Variants in SLIT2 observed in about 807,000 individuals in gnomAD.
The protein encoded by SLIT2 is slit homolog 2 protein.
Under a neutral mutation model 185.7 loss-of-function variants are expected in SLIT2, and 41 were observed. The ratio of observed to expected loss-of-function variants is 0.22; its 90% CI spans 0.17 to 0.29. The LOEUF is 0.29. Ranked by LOEUF, SLIT2 falls within the 10% of genes least tolerant of loss-of-function variation. The pLI is 1.00. For synonymous variants in SLIT2, 693 were observed against 680.2 expected (o/e 1.02, Z -0.29); for missense variants, 1,571 against 1,909.0 (o/e 0.82, Z 3.30).
Position 20,620,329 on chromosome 4 carries a change from G to A in SLIT2, c.*1320G>A, listed in dbSNP as rs73801882. 2,802 of 413,042 alleles carry A rather than the reference G, an allele frequency of 6.8e-3. 71 individuals are homozygous for A. The highest frequency in any genetic ancestry group is 0.053 in the African/African-American group (2,550 of 47,808). 25.6% of individuals were successfully genotyped at this position (413,042 alleles called of 1,614,324 possible). A position where few individuals can be genotyped will look rare whatever the true frequency, so the allele number is the denominator to read the frequency against. On this transcript the variant is annotated 3_prime_UTR_variant, in exon 37 of 37. Transcript: ENST00000504154. ...TATCTTAATGCTCCCATGTTAACAT[G>A]TTTGCTGCTAAATTACAATGTAGAA...
chr4:20,472,319 T>TATAGAA (rs1715259958), intron 5 of SLIT2, among the ~76,000 whole-genome samples: 1 of 93,210 alleles, frequency 1.1e-5, no homozygotes, highest in Non-Finnish European at 2.0e-5. Flanking sequence ...TATATAGATA[T>TATAGAA]ATATATCTAT....
chr4:20,287,295 A>G (rs976254616), intron 4 of SLIT2, among the ~76,000 whole-genome samples: 5 of 152,106 alleles, frequency 3.3e-5, no homozygotes, highest in Admixed American at 1.3e-4. Flanking sequence ...GATTGAACCC[A>G]AGAAGCTGTG....
chr4:20,456,660 T>C (rs536930043), intron 4 of SLIT2, among the ~76,000 whole-genome samples: 4 of 152,274 alleles, frequency 2.6e-5, no homozygotes, highest in African/African-American at 9.6e-5. Flanking sequence ...GTAATGCAAT[T>C]CCTGACACAA....
intron 4 of SLIT2, among the ~76,000 whole-genome samples, chr4:20,395,581 A>C (rs1725826991): frequency 6.6e-6 from 1 of 152,052 alleles, no homozygotes. Context: ...GTCAGTTTAA[A>C]TAATCATAGC....
intron 4 of SLIT2, among the ~76,000 whole-genome samples, chr4:20,413,647 T>G (rs1379988743): frequency 6.6e-6 from 1 of 152,106 alleles, no homozygotes; most frequent in Non-Finnish European, 1.5e-5. Flanking sequence ...TTAATGATTT[T>G]CATGTCTGCC....
intron 36 of SLIT2, among the ~76,000 whole-genome samples, chr4:20,618,091 T>C (rs1310015875): frequency 1.3e-5 from 2 of 152,198 alleles, no homozygotes; most frequent in African/African-American, 2.4e-5. Context: ...CAAAATGACC[T>C]TTGGCCTTAG....
chr4:20,527,565 G>A (rs545081925), intron 15 of SLIT2, among the ~76,000 whole-genome samples: 9 of 152,098 alleles, frequency 5.9e-5, no homozygotes, highest in African/African-American at 9.7e-5. Flanking sequence ...TATTACAGGC[G>A]TGAGCCACCA....
At chr4:20,491,614 T>C (rs1205961047) in intron 8 of SLIT2, 147 bp from the exon 9 acceptor site, 2 of 592,500 alleles carry the variant, frequency 3.4e-6, no homozygotes, top group Middle Eastern at 4.3e-4. Context: ...TCCTAAAATA[T>C]ATTTTAGAAA....
chr4:20,566,477 C>A lies in SLIT2; in HGVS notation c.2726-785C>A, dbSNP rs528844274. On this transcript the variant is annotated intron_variant, in intron 26 of 36. Transcript: ENST00000504154. The stretch of plus-strand genomic sequence containing the variant: ...CATTTGTCCAATAAGTATTTGTGAA[C>A]AAAGGAAAATGGCTGTGGCTAAATA... Among the ~76,000 whole-genome samples the A allele has an allele frequency of 3.3e-5, 5 of 152,116 alleles. No individual in the cohort carries two copies. In the South Asian group the frequency reaches 1.0e-3, roughly 32 times the overall value.
chr4:20,270,837 C>T (rs1169061893), intron 4 of SLIT2, among the ~76,000 whole-genome samples: 2 of 151,954 alleles, frequency 1.3e-5, no homozygotes, highest in Non-Finnish European at 2.9e-5. Flanking sequence ...TTTTTATTTG[C>T]ATCCTCACGT....
At chr4:20,422,575 C>G (rs566172185) in intron 4 of SLIT2, among the ~76,000 whole-genome samples, 2 of 152,158 alleles carry the variant, frequency 1.3e-5, no homozygotes, top group African/African-American at 4.8e-5. Context: ...AGGTAAATAA[C>G]GAAATAATTA....
intron 5 of SLIT2, among the ~76,000 whole-genome samples, 157 bp from the exon 6 acceptor site, chr4:20,480,559 G>A (rs375355701): frequency 2.6e-5 from 4 of 152,178 alleles, no homozygotes; most frequent in East Asian, 3.9e-4. Flanking sequence ...GCATAGAGGC[G>A]AGAATGGCTT....
At chr4:20,391,640 C>A (rs934917236) in intron 4 of SLIT2, among the ~76,000 whole-genome samples, 2 of 152,056 alleles carry the variant, frequency 1.3e-5, no homozygotes, top group Non-Finnish European at 2.9e-5. Flanking sequence ...CTGATTCAAC[C>A]ATACAATACT....
chr4:20,492,010 A>G (rs1248364359), intron 9 of SLIT2, 111 bp downstream of exon 9: 1 of 972,628 alleles, frequency 1.0e-6, no homozygotes. Context: ...ATTGGCTTAG[A>G]CAAATGTTCT....
chr4:20,612,807 A>G (rs774931815), intron 34 of SLIT2, among the ~76,000 whole-genome samples: 2 of 151,486 alleles, frequency 1.3e-5, no homozygotes, highest in Non-Finnish European at 2.9e-5. Context: ...GGTCCCAGCT[A>G]CTTGGGAGAC....
chr4:20,295,961 G>C (rs1395829045), intron 4 of SLIT2, among the ~76,000 whole-genome samples: 1 of 152,240 alleles, frequency 6.6e-6, no homozygotes, highest in East Asian at 1.9e-4. Flanking sequence ...CACTTTATCT[G>C]TATGATGGCC....
chr4:20,320,606 A>AT (rs1718997721), intron 4 of SLIT2, among the ~76,000 whole-genome samples: 2 of 151,868 alleles, frequency 1.3e-5, no homozygotes, highest in African/African-American at 4.8e-5. Context: ...CCCTTTCCTT[A>AT]TCCCCACTAC....
At chr4:20,562,045 C>T (rs1417111708) in intron 26 of SLIT2, among the ~76,000 whole-genome samples, 1 of 151,716 alleles carries the variant, frequency 6.6e-6, no homozygotes, top group Non-Finnish European at 1.5e-5. Flanking sequence ...AATGGCCAAG[C>T]CTGGTAATCC....
intron 23 of SLIT2, 138 bp from the exon 24 acceptor site, chr4:20,548,919 C>CA (rs911988004): frequency 3.9e-5 from 24 of 610,892 alleles, no homozygotes; most frequent in South Asian, 2.8e-4. Context: ...AGACAACACA[C>CA]AAAAAATAAC....
Sources: allele counts gnomAD v4.1 joint callset (sites outside exome capture counted in the v4.1 genomes callset), GRCh38; gene constraint gnomAD v4.1.1; transcripts MANE v1.5; gene names NCBI Gene and HGNC (gene_info 2026-07-23, HGNC 2026-07-21).